Variants in PLA2G12A observed in about 807,000 individuals in gnomAD.
PLA2G12A encodes the protein phospholipase A2 group XIIA.
A neutral mutation model predicts 16.0 loss-of-function variants in PLA2G12A; 11 were observed. The ratio of observed to expected loss-of-function variants is 0.69; its 90% confidence interval spans 0.43 to 1.13. The LOEUF (loss-of-function observed/expected upper bound fraction) is 1.13. PLA2G12A is among the 50% of genes most tolerant of loss of function. PLA2G12A has a pLI of 0.00. For synonymous variants in PLA2G12A, 77 were observed against 93.8 expected, an observed-to-expected ratio of 0.82 and a Z score of 1.03; for missense variants, 214 against 237.3, an observed-to-expected ratio of 0.90 and a Z score of 0.65.
At chr4:109,727,594 C>T (rs1370576809) in intron 1 of PLA2G12A, among the ~76,000 whole-genome samples, 1 of 151,972 alleles carries the variant, frequency 6.6e-6, no homozygotes, top group Non-Finnish European at 1.5e-5. Flanking sequence ...CCTCTAAACT[C>T]CAAATAGTAA....
chr4:109,718,625 CA>C lies in PLA2G12A; in HGVS notation c.285+57del. 3.0e-6 allele frequency: 4 copies of C among 1,320,294 alleles called. No homozygotes were observed. In the South Asian group the frequency reaches 5.1e-5, roughly 17 times the overall value. The allele number at this position is 1,320,294 out of a possible 1,614,324, so 81.8% of individuals were successfully genotyped here. Reference sequence around the variant, plus strand: ...GAACATGCTGATAGTCTTATATCACCAAAAGTATTACATGATTTACCAGTTA... The same window carrying C: ...GAACATGCTGATAGTCTTATATCACCAAAGTATTACATGATTTACCAGTTA... On this transcript the variant is annotated intron_variant, in intron 2 of 3. Coordinates refer to ENST00000243501, the MANE Select transcript of PLA2G12A (RefSeq NM_030821.5).
intron 3 of PLA2G12A, among the ~76,000 whole-genome samples, chr4:109,714,731 A>ATT (rs369832658): frequency 5.0e-4 from 65 of 130,140 alleles, no homozygotes; most frequent in South Asian, 7.4e-4. Context: ...GTTTAACCCA[A>ATT]TTTTTTTTTT....
intron 3 of PLA2G12A, among the ~76,000 whole-genome samples, chr4:109,715,544 G>A (rs1305061867): frequency 3.3e-5 from 5 of 152,088 alleles, no homozygotes; most frequent in Non-Finnish European, 1.5e-5. Context: ...GGAGTGCAGT[G>A]GCATGATCTT....
intron 3 of PLA2G12A, among the ~76,000 whole-genome samples, chr4:109,715,002 G>C (rs1234382407): frequency 6.6e-6 from 1 of 151,728 alleles, no homozygotes; most frequent in Non-Finnish European, 1.5e-5. Context: ...GTAGATATGA[G>C]GTCTCACTAT....
intron 1 of PLA2G12A, among the ~76,000 whole-genome samples, chr4:109,725,728 AT>A (rs1302361541): frequency 6.6e-6 from 1 of 152,152 alleles, no homozygotes; most frequent in South Asian, 2.1e-4. Context: ...TTTTCCATGT[AT>A]TTTTTCTAAA....
chr4:109,723,969 C>T (rs184383425), intron 1 of PLA2G12A, among the ~76,000 whole-genome samples: 1 of 152,240 alleles, frequency 6.6e-6, no homozygotes, highest in East Asian at 1.9e-4. Context: ...ATGTTTCCAA[C>T]TTTTTAGACA....
At chr4:109,719,918 A>C (rs1470852646) in intron 1 of PLA2G12A, among the ~76,000 whole-genome samples, 7 of 152,292 alleles carry the variant, frequency 4.6e-5, no homozygotes, top group South Asian at 2.1e-4. Flanking sequence ...GCAAAAAAAA[A>C]CCCCACAATT....
At position 109,729,328 on chromosome 4, in the gene PLA2G12A, G is replaced by T. The variant is rs186619409; in HGVS notation, c.208+274C>A. Among the ~76,000 whole-genome samples, 234 of 150,444 alleles carry T rather than the reference G, an allele frequency of 1.6e-3. 2 individuals carry two copies. The highest frequency in any genetic ancestry group is 5.3e-3 in the African/African-American group (219 of 40,994). ...TCTTCGGCAACTTGGTGCAATTGAGGGGGGGAAAAGGTAATTCAGAAGCAA... is the reference window on the plus strand; with the variant it reads ...TCTTCGGCAACTTGGTGCAATTGAGTGGGGGAAAAGGTAATTCAGAAGCAA... On this transcript the variant is annotated intron_variant, in intron 1 of 3. Coordinates refer to ENST00000243501, the MANE Select transcript of PLA2G12A (RefSeq NM_030821.5).
intron 1 of PLA2G12A, among the ~76,000 whole-genome samples, chr4:109,727,912 T>C (rs1277880053): frequency 1.3e-5 from 2 of 152,264 alleles, no homozygotes; most frequent in African/African-American, 2.4e-5. Flanking sequence ...AACCCTAGAC[T>C]AATAAATTTA....
chr4:109,723,970 T>G (rs1359491904), intron 1 of PLA2G12A, among the ~76,000 whole-genome samples: 1 of 152,188 alleles, frequency 6.6e-6, no homozygotes. Context: ...TGTTTCCAAC[T>G]TTTTAGACAC....
At chr4:109,717,954 C>T (rs1730857242) in intron 2 of PLA2G12A, among the ~76,000 whole-genome samples, 1 of 152,194 alleles carries the variant, frequency 6.6e-6, no homozygotes, top group East Asian at 1.9e-4. Flanking sequence ...TTAGAACACT[C>T]ACAGTTACCT....
chr4:109,710,000 T>C lies in PLA2G12A; in HGVS notation c.*4377A>G, dbSNP rs1730690868. The stretch of plus-strand genomic sequence containing the variant: ...GATGACACTAGTGATCCCTTTACAG[T>C]TTTATTAATAATTATTATTTTTCGT... On this transcript the variant is annotated 3_prime_UTR_variant, in exon 4 of 4. Transcript: ENST00000243501. 1 of 152,184 alleles carries C rather than the reference T, an allele frequency of 6.6e-6. No individual in the cohort carries two copies. Among genetic ancestry groups the C allele is most frequent in the Admixed American group, 6.5e-5 (1 of 15,280 alleles). 9.4% of individuals were successfully genotyped at this position (152,184 alleles called of 1,614,324 possible).
chr4:109,724,910 A>G (rs1722899886), intron 1 of PLA2G12A, among the ~76,000 whole-genome samples: 1 of 152,230 alleles, frequency 6.6e-6, no homozygotes, highest in Admixed American at 6.5e-5. Flanking sequence ...ATGCTGGTAA[A>G]AAGTTTGGCT....
chr4:109,724,486 C>A (rs1722890060), intron 1 of PLA2G12A, among the ~76,000 whole-genome samples: 1 of 151,962 alleles, frequency 6.6e-6, no homozygotes, highest in African/African-American at 2.4e-5. Context: ...TCTATTTTTC[C>A]TTCCTTTTGT....
chr4:109,724,606 T>C (rs1234484534), intron 1 of PLA2G12A, among the ~76,000 whole-genome samples: 3 of 152,146 alleles, frequency 2.0e-5, no homozygotes, highest in South Asian at 2.1e-4. Context: ...TGCGTGTACA[T>C]ATATAGACAT....
intron 1 of PLA2G12A, among the ~76,000 whole-genome samples, chr4:109,728,204 C>G (rs995467762): frequency 5.3e-5 from 8 of 152,198 alleles, no homozygotes; most frequent in African/African-American, 1.9e-4. Flanking sequence ...CTCGTCTGCC[C>G]TGATCAGACT....
chr4:109,730,028 ACCAGCGCGCCCGCTCACCTGGG>A lies in PLA2G12A; in HGVS notation c.-241_-220del. 2.1e-6 allele frequency: 1 copy of A among 476,704 alleles called. No homozygotes were observed. Among genetic ancestry groups the A allele is most frequent in the South Asian group, 3.0e-5 (1 of 32,838 alleles). 29.5% of individuals were successfully genotyped at this position (476,704 alleles called of 1,614,324 possible). On this transcript the variant is annotated 5_prime_UTR_variant, in exon 1 of 4. Coordinates refer to ENST00000243501, the MANE Select transcript of PLA2G12A (RefSeq NM_030821.5). ...CGCGGGGACGCGCCCGCTCACCTGGACCAGCGCGCCCGCTCACCTGGGCCAGCAACCGTCCCCTGTGCGCCTG... is the reference window on the plus strand; with the variant it reads ...CGCGGGGACGCGCCCGCTCACCTGGACCAGCAACCGTCCCCTGTGCGCCTG...
In PLA2G12A at chr4:109,729,704, T is replaced by G. The variant is rs774585702; in HGVS notation, c.106A>C (p.Lys36Gln). ...AQTTDWRATL[K>Q]TIRNGVHKID... is the part of the protein sequence containing the mutation. ...TTATGAACGCCGTTCCGGATGGTCT[T>G]CAGGGTGGCTCTCCAGTCGGTGGTC... Residue 36 changes from lysine to glutamine, a missense_variant, in exon 1 of 4, where the codon AAG (lysine) becomes CAG (glutamine). Coordinates refer to ENST00000243501, the MANE Select transcript of PLA2G12A (RefSeq NM_030821.5). 5 of 1,610,050 alleles carry G rather than the reference T, an allele frequency of 3.1e-6. No individual in the cohort carries two copies. The highest frequency in any genetic ancestry group is 4.2e-6 in the Non-Finnish European group (5 of 1,179,084).
In PLA2G12A at chr4:109,729,013, T is replaced by C. The variant is rs147940494; in HGVS notation, c.208+589A>G. ...AAAGAGTAAATGAAGATAACTGTAT[T>C]AACGTTAACCAACAATGAGGAGGAG... is the stretch of plus-strand genomic sequence containing the variant. On this transcript the variant is annotated intron_variant, in intron 1 of 3. Transcript: ENST00000243501. Among the ~76,000 whole-genome samples, 714 of 152,272 alleles carry C rather than the reference T, an allele frequency of 4.7e-3. 8 individuals carry two copies. Among genetic ancestry groups the C allele is most frequent in the African/African-American group, 0.016 (660 of 41,546 alleles).
Sources: gnomAD v4.1 joint callset for allele counts (sites outside exome capture counted in the v4.1 genomes callset) on GRCh38, gnomAD v4.1.1 for gene constraint, MANE v1.5 for transcripts, NCBI Gene and HGNC (gene_info 2026-07-23, HGNC 2026-07-21) for gene names.